The following ANKRD50 variants were observed in gnomAD, a reference collection of about 807,000 sequenced individuals.
ANKRD50 encodes ankyrin repeat domain-containing protein 50.
A neutral mutation model predicts 112.0 loss-of-function variants in ANKRD50; 40 were observed. That is an observed-to-expected ratio of 0.36 (90% CI 0.28 to 0.46). The LOEUF (loss-of-function observed/expected upper bound fraction) is 0.46. Ranked by LOEUF, ANKRD50 falls within the 20% of genes least tolerant of loss-of-function variation. The pLI is 1.00. For missense variants in ANKRD50, 1,487 were observed against 1,701.7 expected (o/e 0.87, Z 2.22); for synonymous variants, 613 against 619.1 (o/e 0.99, Z 0.15).
At chr4:124,706,353 G>A (rs962377972) in intron 2 of ANKRD50, among the ~76,000 whole-genome samples, 1 of 152,018 alleles carries the variant, frequency 6.6e-6, no homozygotes, top group Non-Finnish European at 1.5e-5. Flanking sequence ...ACTATACCAT[G>A]TCAGAAGGGA....
intron 2 of ANKRD50, among the ~76,000 whole-genome samples, chr4:124,701,177 G>A (rs1725381729): frequency 6.6e-6 from 1 of 152,118 alleles, no homozygotes; most frequent in South Asian, 2.1e-4. Flanking sequence ...TGGTCAGGCT[G>A]GTCTCGAACT....
rs750866584 is a variant in ANKRD50 at position 124,710,562 on chromosome 4, C to A, written c.-51G>T. On this transcript the variant is annotated 5_prime_UTR_variant, in exon 2 of 5. Transcript: ENST00000504087. Reference sequence around the variant, plus strand: ...AGAGTCTGGATACATCAACACAGGTCTTTCCATCCATTATGACATAACTTG... The same window carrying A: ...AGAGTCTGGATACATCAACACAGGTATTTCCATCCATTATGACATAACTTG... The A allele has an allele frequency of 6.5e-7, 1 of 1,533,810 alleles. No individual in the cohort carries two copies. The highest frequency in any genetic ancestry group is 2.3e-5 in the East Asian group (1 of 44,264).
At chr4:124,706,781 T>C (rs1383952655) in intron 2 of ANKRD50, among the ~76,000 whole-genome samples, 3 of 152,052 alleles carry the variant, frequency 2.0e-5, no homozygotes, top group Non-Finnish European at 4.4e-5. Context: ...CCAAACATCA[T>C]CGCTTAGCCT....
In ANKRD50 at chr4:124,666,434, C is replaced by T. The variant is rs1251476577; in HGVS notation, c.*1084G>A. The T allele has an allele frequency of 6.6e-6, 1 of 152,384 alleles. No homozygotes were observed. The highest frequency in any genetic ancestry group is 2.4e-5 in the African/African-American group (1 of 41,394). 9.4% of individuals were successfully genotyped at this position (152,384 alleles called of 1,614,324 possible). A position where few individuals can be genotyped will look rare whatever the true frequency, so the allele number is the denominator to read the frequency against. ...GTGGTGTCATCTGTGAAGGGCAGCA[C>T]ATTTTATATTCATCCAGAATATTCA... On this transcript the variant is annotated 3_prime_UTR_variant, in exon 5 of 5. Transcript: ENST00000504087.
At chr4:124,675,891 CAT>C (rs1730763453) in intron 3 of ANKRD50, among the ~76,000 whole-genome samples, 1 of 151,622 alleles carries the variant, frequency 6.6e-6, no homozygotes, top group African/African-American at 2.4e-5. Flanking sequence ...AATCTGAAGC[CAT>C]TAATGAAAAT....
intron 2 of ANKRD50, among the ~76,000 whole-genome samples, chr4:124,685,571 A>G (rs1340797443): frequency 6.6e-6 from 1 of 152,152 alleles, no homozygotes; most frequent in African/African-American, 2.4e-5. Flanking sequence ...ATTTATATAC[A>G]TGTATATTAT....
At chr4:124,680,207 T>C (rs976168792) in intron 2 of ANKRD50, among the ~76,000 whole-genome samples, 3 of 152,296 alleles carry the variant, frequency 2.0e-5, no homozygotes, top group East Asian at 3.9e-4. Flanking sequence ...TCTTTAACTG[T>C]AAGCATCAAG....
intron 3 of ANKRD50, among the ~76,000 whole-genome samples, chr4:124,674,031 A>G (rs1730717639): frequency 6.6e-6 from 1 of 152,034 alleles, no homozygotes; most frequent in African/African-American, 2.4e-5. Flanking sequence ...ACAGCAATCT[A>G]TATTTACCAA....
rs748326840 is a variant in ANKRD50, at chr4:124,669,324, G to A, written c.3953C>T (p.Pro1318Leu). The change falls in exon 4 of 5, where the codon CCA becomes CTA. Residue 1318 changes from proline (P) to leucine (L), a missense_variant. This residue lies in a region of ANKRD50 where 441 missense variants were observed against 432.2 expected (regional missense o/e 1.02). Transcript: ENST00000504087. Reference protein sequence around the residue: ...GPIAKSGTAAPPKQMPAESQC... With the variant: ...GPIAKSGTAALPKQMPAESQC... ...AGATTCTGCTGGCATTTGTTTAGGT[G>A]GTGCAGCAGTCCCGGATTTGGCTAT... 5 of 1,613,678 alleles carry A rather than the reference G, an allele frequency of 3.1e-6. No individual in the cohort carries two copies. The South Asian group carries it at 3.3e-5, about 11-fold the overall frequency.
At chr4:124,711,842 C>T (rs2110532670) in intron 1 of ANKRD50, among the ~76,000 whole-genome samples, 1 of 152,254 alleles carries the variant, frequency 6.6e-6, no homozygotes, top group East Asian at 1.9e-4. Context: ...TGAATCCTTC[C>T]TTCCTCTGGG....
At chr4:124,687,252 GT>G (rs1432220402) in intron 2 of ANKRD50, among the ~76,000 whole-genome samples, 2 of 151,962 alleles carry the variant, frequency 1.3e-5, no homozygotes, top group Admixed American at 1.3e-4. Context: ...AGAAAGGCAG[GT>G]TTTTTGTTTT....
At chr4:124,701,427 G>A (rs1042897553) in intron 2 of ANKRD50, among the ~76,000 whole-genome samples, 8 of 152,136 alleles carry the variant, frequency 5.3e-5, no homozygotes, top group South Asian at 2.1e-4. Flanking sequence ...AGATAACCAC[G>A]AGGAATATGT....
At chr4:124,694,370 T>C (rs910461592) in intron 2 of ANKRD50, among the ~76,000 whole-genome samples, 2 of 151,930 alleles carry the variant, frequency 1.3e-5, no homozygotes, top group African/African-American at 2.4e-5. Flanking sequence ...AAAAGAAAAA[T>C]ATAGCCAGTC....
At position 124,669,254 on chromosome 4, in the gene ANKRD50, T is replaced by C; in HGVS notation, c.4023A>G (p.Arg1341=). The C allele has an allele frequency of 6.2e-7, 1 of 1,613,798 alleles. No individual in the cohort carries two copies. Among genetic ancestry groups the C allele is most frequent in the Non-Finnish European group, 8.5e-7 (1 of 1,179,812 alleles). The change falls in exon 4 of 5, where the codon CGA becomes CGG. Residue 1341 remains arginine, a synonymous_variant. Transcript: ENST00000504087. The part of the protein sequence containing the change: ...MIPSAQQEIG[R]SQQQFLIHQQ... ...GGTGAATAAGAAACTGCTGTTGAGA[T>C]CGACCAATTTCCTGCTGAGCTGAAG...
chr4:124,709,982 T>C lies in ANKRD50; in HGVS notation c.512+18A>G. On this transcript the variant is annotated intron_variant, in intron 2 of 4. Transcript: ENST00000504087. ...TTTCAGCATAGAAATCTGAACACCA[T>C]GACATTTTTATTGTTACCTTTTAAA... 1.3e-6 allele frequency: 2 copies of C among 1,586,924 alleles called. No individual in the cohort carries two copies. Among genetic ancestry groups the C allele is most frequent in the Non-Finnish European group, 1.7e-6 (2 of 1,166,450 alleles).
intron 2 of ANKRD50, among the ~76,000 whole-genome samples, chr4:124,689,232 GGAAT>G (rs1256226598): frequency 1.3e-5 from 2 of 152,098 alleles, no homozygotes; most frequent in Non-Finnish European, 2.9e-5. Context: ...AAATATTTAT[GGAAT>G]GAATGAATGA....
chr4:124,704,448 A>G (rs1578594582), intron 2 of ANKRD50, among the ~76,000 whole-genome samples: 1 of 152,232 alleles, frequency 6.6e-6, no homozygotes, highest in South Asian at 2.1e-4. Flanking sequence ...CTGGCCACTT[A>G]AAACTATCTG....
Position 124,669,448 on chromosome 4 carries a change from C to G in ANKRD50, c.3829G>C (p.Ala1277Pro). 1 of 1,612,652 alleles carries G rather than the reference C, an allele frequency of 6.2e-7. No individual in the cohort carries two copies. The highest frequency in any genetic ancestry group is 8.5e-7 in the Non-Finnish European group (1 of 1,179,630). ...TTTTTCCCAGCTGATCCAGACTTGG[C>G]AGAATTTTCTGATTTCCCCCCTTTA... ...ASKGGKSENS[A>P]KSGSAGKKAK... Residue 1277 changes from alanine to proline, a missense_variant, in exon 4 of 5, where the codon GCC becomes CCC. By Grantham distance (27) the Ala-to-Pro change is conservative. Transcript: ENST00000504087.
At chr4:124,699,530 T>G (rs144781730) in intron 2 of ANKRD50, among the ~76,000 whole-genome samples, 2,942 of 152,208 alleles carry the variant, frequency 0.019, 45 homozygotes, top group Middle Eastern at 0.048. Context: ...TAATTTTAAG[T>G]GACAGTCTCA....
Sources: gnomAD v4.1 joint callset for allele counts (sites outside exome capture counted in the v4.1 genomes callset) on GRCh38, gnomAD v4.1.1 for gene constraint, gnomAD v4.1.1 regional missense constraint, MANE v1.5 for transcripts, NCBI Gene and HGNC (gene_info 2026-07-23, HGNC 2026-07-21) for gene names.